The following CD164L2 variants were observed in gnomAD, a reference collection of about 807,000 sequenced individuals.
The protein encoded by CD164L2 is CD164 sialomucin-like 2 protein.
CD164L2 carries 21 observed loss-of-function variants against 23.9 expected under a neutral mutation model. That is an observed-to-expected ratio of 0.88 (90% confidence interval 0.62 to 1.27). The LOEUF is 1.27. Ranked by LOEUF, CD164L2 falls within the 50% of genes most tolerant of loss-of-function variation. CD164L2 has a pLI of 0.00. For synonymous variants in CD164L2, 92 were observed against 90.2 expected (o/e 1.02, Z -0.11); for missense variants, 230 against 224.8 (o/e 1.02, Z -0.15).
At chr1:27,383,007 GC>G (rs2016370038) in intron 1 of CD164L2, 144 bp downstream of exon 1, 1 of 667,336 alleles carries the variant, frequency 1.5e-6, no homozygotes, top group African/African-American at 1.8e-5. Flanking sequence ...CAGAGCTGGA[GC>G]CCCCTCTCCC....
In CD164L2 at chr1:27,383,168, G is replaced by C. The variant is rs1371267808; in HGVS notation, c.72C>G (p.Ala24=). ...GCGAGTTACCAGCCACAGCCAGCTG[G>C]GCACATAGGAGGAGGCAGCAACAGC... The part of the protein sequence containing the change: ...CGGCCCLLLC[A]QLAVAGKGAR... Residue 24 remains alanine (A), a synonymous_variant, in exon 1 of 6, where the codon GCC becomes GCG. Transcript: ENST00000374030. The C allele has an allele frequency of 1.3e-6, 2 of 1,548,738 alleles. No homozygotes were observed. The highest frequency in any genetic ancestry group is 1.7e-6 in the Non-Finnish European group (2 of 1,146,786).
At chr1:27,380,359 G>A (rs1184229210) in intron 4 of CD164L2, among the ~76,000 whole-genome samples, 164 bp from the exon 5 acceptor site, 1 of 152,186 alleles carries the variant, frequency 6.6e-6, no homozygotes. Context: ...GTTGGGAAGC[G>A]CCTGGTGGGA....
chr1:27,382,974 A>T (rs1279243667), intron 1 of CD164L2, among the ~76,000 whole-genome samples, 178 bp downstream of exon 1: 1 of 152,012 alleles, frequency 6.6e-6, no homozygotes, highest in Non-Finnish European at 1.5e-5. Flanking sequence ...CCTGGGGCCT[A>T]TATTTACACA....
In CD164L2 at chr1:27,379,429, T is replaced by C; in HGVS notation, c.*74A>G. On this transcript the variant is annotated 3_prime_UTR_variant, in exon 6 of 6. Coordinates refer to ENST00000374030, the MANE Select transcript of CD164L2 (RefSeq NM_001330448.1). ...GTTTTTCCCGCCCCCGCCCCCCGCT[T>C]ACCCACAAGGGTGCCCAGAGGCCAC... 1 of 723,032 alleles carries C rather than the reference T, an allele frequency of 1.4e-6. No homozygotes were observed. Among genetic ancestry groups the C allele is most frequent in the Admixed American group, 2.4e-5 (1 of 41,622 alleles). The allele number at this position is 723,032 out of a possible 1,614,324, so 44.8% of individuals were successfully genotyped here.
At chr1:27,382,247 A>G in intron 3 of CD164L2, 81 bp downstream of exon 3, 1 of 1,613,838 alleles carries the variant, frequency 6.2e-7, no homozygotes, top group South Asian at 1.1e-5. Flanking sequence ...CCACCGCCTG[A>G]GAGAGGCTGT....
At position 27,380,675 on chromosome 1, in the gene CD164L2, C is replaced by T. The variant is rs185388487; in HGVS notation, c.374-480G>A. ...CTCCTAAGCCCTAAGACCTCAGTGT[C>T]ACCCAATGTCAGAGCCCTCAGAGAG... On this transcript the variant is annotated intron_variant, in intron 4 of 5. Coordinates refer to ENST00000374030, the MANE Select transcript of CD164L2 (RefSeq NM_001330448.1). Among the ~76,000 whole-genome samples, 21 of 152,322 alleles carry T rather than the reference C, an allele frequency of 1.4e-4. No homozygotes were observed. In the East Asian group the frequency reaches 3.1e-3, roughly 22 times the overall value.
chr1:27,379,293 G>T lies in CD164L2; in HGVS notation c.*210C>A. 1.6e-6 allele frequency: 1 copy of T among 611,382 alleles called. No individual in the cohort carries two copies. The allele number at this position is 611,382 out of a possible 1,614,324, so 37.9% of individuals were successfully genotyped here. A position where few individuals can be genotyped will look rare whatever the true frequency, so the allele number is the denominator to read the frequency against. On this transcript the variant is annotated 3_prime_UTR_variant, in exon 6 of 6. Coordinates refer to ENST00000374030, the MANE Select transcript of CD164L2 (RefSeq NM_001330448.1). ...GCAGGGGCGATGGAGGAGACGAGGT[G>T]GTTGAGGGATTTTCTCAGCTGCAGG...
At chr1:27,382,080 C>G in intron 3 of CD164L2, 1 of 1,476,790 alleles carries the variant, frequency 6.8e-7, no homozygotes, top group Non-Finnish European at 9.0e-7. Flanking sequence ...CTTCCAAAGT[C>G]CTTGCTATGC....
chr1:27,383,014 C>T (rs904962160), intron 1 of CD164L2, 138 bp downstream of exon 1: 14 of 693,368 alleles, frequency 2.0e-5, no homozygotes, highest in Middle Eastern at 8.1e-4. Context: ...GGAGCCCCCT[C>T]TCCCACCCCT....
chr1:27,381,983 C>T (rs997896167), intron 3 of CD164L2, 159 bp from the exon 4 acceptor site: 5 of 1,355,352 alleles, frequency 3.7e-6, no homozygotes, highest in Non-Finnish European at 5.0e-6. Flanking sequence ...TTCCCTCCAC[C>T]AGATGTGCTC....
chr1:27,380,139 C>A lies in CD164L2; in HGVS notation c.430G>T (p.Gly144Ter). 1 of 1,614,138 alleles carries A rather than the reference C, an allele frequency of 6.2e-7. No homozygotes were observed. The highest frequency in any genetic ancestry group is 1.6e-4 in the Middle Eastern group (1 of 6,062). Residue 144 changes from glycine to a stop codon, truncating the protein, a stop_gained, in exon 5 of 6, where the codon GGA (glycine) becomes TGA (stop). Transcript: ENST00000374030. LOFTEE classifies it high-confidence loss of function. ...AGGCTCAACACCAGCACGACACCTC[C>A]GATAAAGCTGGCCCCGTCAAATCCA... ...SPGFDGASFI[G>*]GVVLVLSLQA...
chr1:27,381,638 A>G, intron 4 of CD164L2, 142 bp downstream of exon 4: 1 of 851,330 alleles, frequency 1.2e-6, no homozygotes, highest in Non-Finnish European at 1.8e-6. Flanking sequence ...GGCATCATCC[A>G]ACCCATTTCA....
In CD164L2 at chr1:27,382,615, C is replaced by G. The variant is rs1158304788; in HGVS notation, c.141G>C (p.Trp47Cys). Residue 47 changes from tryptophan (W) to cysteine (C), a missense_variant, in exon 2 of 6, where the codon TGG becomes TGC. Coordinates refer to ENST00000374030, the MANE Select transcript of CD164L2 (RefSeq NM_001330448.1). ...GTTTGCAGGCCCCTTGGACCGCCGG[C>G]CAGATATTCAGGCGGATCAGGGCTC... ...GRGALIRLNI[W>C]PAVQGACKQL... 1.2e-6 allele frequency: 2 copies of G among 1,613,126 alleles called. No individual in the cohort carries two copies. Among genetic ancestry groups the G allele is most frequent in the Non-Finnish European group, 1.7e-6 (2 of 1,179,906 alleles).
intron 4 of CD164L2, among the ~76,000 whole-genome samples, chr1:27,381,065 C>T (rs913204219): frequency 1.3e-5 from 2 of 152,194 alleles, no homozygotes; most frequent in African/African-American, 4.8e-5. Flanking sequence ...ACTGGGTCTC[C>T]CTCCCAGAAG....
In CD164L2 at chr1:27,382,610, G is replaced by A. The variant is rs767178506; in HGVS notation, c.146C>T (p.Ala49Val). Residue 49 changes from alanine to valine, a missense_variant, in exon 2 of 6, where the codon GCG becomes GTG. Ala to Val is a moderately conservative substitution (Grantham distance 64). Coordinates refer to ENST00000374030, the MANE Select transcript of CD164L2 (RefSeq NM_001330448.1). Reference sequence around the variant, plus strand: ...CAGCTGTTTGCAGGCCCCTTGGACCGCCGGCCAGATATTCAGGCGGATCAG... The same window carrying A: ...CAGCTGTTTGCAGGCCCCTTGGACCACCGGCCAGATATTCAGGCGGATCAG... ...GALIRLNIWPAVQGACKQLEV... is the reference protein window; with the variant it reads ...GALIRLNIWPVVQGACKQLEV... 8.1e-6 allele frequency: 13 copies of A among 1,613,002 alleles called. No homozygotes were observed. The Admixed American group carries it at 1.0e-4, about 12-fold the overall frequency.
chr1:27,379,625 G>A (rs1013045634), intron 5 of CD164L2, 116 bp from the exon 6 acceptor site: 39 of 1,542,988 alleles, frequency 2.5e-5, no homozygotes, highest in Non-Finnish European at 3.1e-5. Context: ...AGGCTGTGGC[G>A]ACCCGCCCCA....
rs375908957 is a variant in CD164L2, at chr1:27,382,555, G to A, written c.201C>T (p.Asp67=). The A allele has an allele frequency of 1.9e-4, 310 of 1,613,606 alleles. No homozygotes were observed. Among genetic ancestry groups the A allele is most frequent in the Non-Finnish European group, 2.4e-4 (288 of 1,179,938 alleles). Residue 67 remains aspartate, a synonymous_variant, in exon 2 of 6, where the codon GAC becomes GAT. Transcript: ENST00000374030. ...LEVCEHCVEG[D]GARNLSSCVW... is the part of the protein sequence containing the mutation. ...CGCAGCTGGAGAGATTGCGCGCTCC[G>A]TCTCCCTCCACGCAGTGCTCACAGA...
chr1:27,381,838 T>G lies in CD164L2; in HGVS notation c.329-14A>C. 1 of 1,613,892 alleles carries G rather than the reference T, an allele frequency of 6.2e-7. No homozygotes were observed. The highest frequency in any genetic ancestry group is 2.2e-5 in the East Asian group (1 of 44,884). ...GGTGGTGAGCAGCTGAGGAGACAGG[T>G]GATCCATAGCAAAGCAGCCTTCCCA... On this transcript the variant is annotated splice_polypyrimidine_tract_variant and intron_variant, in intron 3 of 5. Transcript: ENST00000374030.
chr1:27,383,251 G>A lies in CD164L2; in HGVS notation c.-12C>T, dbSNP rs1336516982. On this transcript the variant is annotated 5_prime_UTR_variant, in exon 1 of 6. Coordinates refer to ENST00000374030, the MANE Select transcript of CD164L2 (RefSeq NM_001330448.1). ...CCCGGAGCCTCCATGGGCTCGCGGG[G>A]TGGGGGTGGCCGGGGGCGGTGGCCG... 2.0e-6 allele frequency: 3 copies of A among 1,532,912 alleles called. No individual in the cohort carries two copies. The highest frequency in any genetic ancestry group is 2.7e-5 in the African/African-American group (2 of 72,748). 95.0% of individuals were successfully genotyped at this position (1,532,912 alleles called of 1,614,324 possible).
Sources: allele counts gnomAD v4.1 joint callset (sites outside exome capture counted in the v4.1 genomes callset), GRCh38; gene constraint gnomAD v4.1.1; transcripts MANE v1.5; gene names NCBI Gene and HGNC (gene_info 2026-07-23, HGNC 2026-07-21).